Variants in SETBP1 observed in about 807,000 individuals in gnomAD.
The protein encoded by SETBP1 is SET binding protein 1, also known as SET-binding protein.
Under a neutral mutation model 101.0 loss-of-function variants are expected in SETBP1, and 9 were observed. The observed-to-expected ratio is 0.09, with a 90% CI of 0.05 to 0.16. The LOEUF (loss-of-function observed/expected upper bound fraction) is 0.16, where lower values mean the gene tolerates loss of function less well. SETBP1 is among the 10% of genes least tolerant of loss of function. The pLI is 1.00. For missense variants in SETBP1, 1,858 were observed against 2,033.8 expected (o/e 0.91, Z 1.66); for synonymous variants, 818 against 788.5 (o/e 1.04, Z -0.63).
intron 2 of SETBP1, among the ~76,000 whole-genome samples, chr18:44,761,599 T>C (rs891717317): frequency 6.6e-6 from 1 of 152,234 alleles, no homozygotes; most frequent in African/African-American, 2.4e-5. Flanking sequence ...CAGTTCCTTA[T>C]CAAGAGAATG....
At chr18:44,938,403 T>C (rs781727327) in intron 3 of SETBP1, among the ~76,000 whole-genome samples, 59 of 152,256 alleles carry the variant, frequency 3.9e-4, no homozygotes, top group Non-Finnish European at 6.6e-4. Context: ...ATCAATGATG[T>C]ACCTTTTTCA....
At chr18:44,831,610 C>T (rs1375753769) in intron 2 of SETBP1, among the ~76,000 whole-genome samples, 1 of 152,164 alleles carries the variant, frequency 6.6e-6, no homozygotes, top group Non-Finnish European at 1.5e-5. Context: ...GACTCAGAAT[C>T]CTCATTTATA....
chr18:44,915,113 G>A (rs534222544), intron 3 of SETBP1, among the ~76,000 whole-genome samples: 8 of 152,028 alleles, frequency 5.3e-5, no homozygotes, highest in South Asian at 4.1e-4. Flanking sequence ...TGCCTACTGC[G>A]TGCCCAACTT....
chr18:44,923,371 A>G (rs2070625194), intron 3 of SETBP1, among the ~76,000 whole-genome samples: 1 of 152,230 alleles, frequency 6.6e-6, no homozygotes, highest in Non-Finnish European at 1.5e-5. Flanking sequence ...ACTAATGAAC[A>G]AACTGAAGTC....
chr18:45,060,008 T>C (rs970468982), intron 5 of SETBP1, among the ~76,000 whole-genome samples: 1 of 152,260 alleles, frequency 6.6e-6, no homozygotes, highest in Non-Finnish European at 1.5e-5. Flanking sequence ...TTTAAAGTTA[T>C]GTAAGTAGTA....
intron 3 of SETBP1, among the ~76,000 whole-genome samples, chr18:44,937,530 G>A (rs1434251920): frequency 6.6e-6 from 1 of 151,928 alleles, no homozygotes; most frequent in Non-Finnish European, 1.5e-5. Context: ...AAGAGGTCAG[G>A]TGACGTGTCT....
chr18:44,721,148 C>G (rs1221642782), intron 2 of SETBP1, among the ~76,000 whole-genome samples: 1 of 152,134 alleles, frequency 6.6e-6, no homozygotes, highest in Non-Finnish European at 1.5e-5. Flanking sequence ...TTCTTGTGAC[C>G]TAGAGAAGTT....
At chr18:45,006,355 G>T (rs146748415) in intron 4 of SETBP1, among the ~76,000 whole-genome samples, 2 of 152,090 alleles carry the variant, frequency 1.3e-5, no homozygotes, top group African/African-American at 4.8e-5. Context: ...TTGTAGGTTC[G>T]TTCAGAGTCT....
At chr18:44,693,244 GA>G (rs1206466993) in intron 1 of SETBP1, among the ~76,000 whole-genome samples, 1 of 152,164 alleles carries the variant, frequency 6.6e-6, no homozygotes, top group Non-Finnish European at 1.5e-5. Flanking sequence ...TTCACCGAAT[GA>G]GTAATTTGGA....
At chr18:45,023,582 G>C (rs771798493) in intron 4 of SETBP1, among the ~76,000 whole-genome samples, 15 of 152,210 alleles carry the variant, frequency 9.9e-5, no homozygotes, top group Non-Finnish European at 2.1e-4. Flanking sequence ...ATATGTAGAT[G>C]ATGACAAAAC....
intron 2 of SETBP1, among the ~76,000 whole-genome samples, chr18:44,744,932 CCTT>C (rs752605393): frequency 2.0e-5 from 3 of 152,068 alleles, no homozygotes; most frequent in Non-Finnish European, 4.4e-5. Context: ...GATTTCGGGG[CCTT>C]TGTGTGGACG....
chr18:44,916,090 G>A (rs141549675), intron 3 of SETBP1, among the ~76,000 whole-genome samples: 213 of 152,244 alleles, frequency 1.4e-3, no homozygotes, highest in African/African-American at 4.7e-3. Flanking sequence ...GCCAGTCATG[G>A]TGGTACGCGC....
chr18:44,948,949 T>C (rs1339784225), intron 3 of SETBP1, among the ~76,000 whole-genome samples: 4 of 152,044 alleles, frequency 2.6e-5, no homozygotes, highest in Non-Finnish European at 4.4e-5. Context: ...GGAAACACAG[T>C]TGACAAAGTT....
At chr18:44,805,925 A>G in intron 2 of SETBP1, among the ~76,000 whole-genome samples, 1 of 152,150 alleles carries the variant, frequency 6.6e-6, no homozygotes, top group East Asian at 1.9e-4. Context: ...TCATTGTTCT[A>G]TGCTAAATTA....
chr18:45,002,930 C>G (rs540085530), intron 4 of SETBP1, among the ~76,000 whole-genome samples: 1 of 152,062 alleles, frequency 6.6e-6, no homozygotes, highest in Non-Finnish European at 1.5e-5. Context: ...TAGTTAAGAA[C>G]TTGGGTTGTT....
At chr18:44,764,330 CA>C (rs2070720572) in intron 2 of SETBP1, among the ~76,000 whole-genome samples, 1 of 152,236 alleles carries the variant, frequency 6.6e-6, no homozygotes, top group Non-Finnish European at 1.5e-5. Context: ...CTTATGTATC[CA>C]TTCGTTATCC....
intron 4 of SETBP1, among the ~76,000 whole-genome samples, chr18:44,995,474 G>T (rs2072474737): frequency 6.6e-6 from 1 of 151,580 alleles, no homozygotes; most frequent in Non-Finnish European, 1.5e-5. Flanking sequence ...TTTTAAATGT[G>T]AATATGCAGA....
At chr18:44,853,005 C>T (rs1363715932) in intron 2 of SETBP1, among the ~76,000 whole-genome samples, 1 of 152,206 alleles carries the variant, frequency 6.6e-6, no homozygotes, top group African/African-American at 2.4e-5. Context: ...CAAGAGTCCT[C>T]TGGGCTGGTG....
At chr18:44,796,961 C>A (rs1177343245) in intron 2 of SETBP1, among the ~76,000 whole-genome samples, 1 of 152,180 alleles carries the variant, frequency 6.6e-6, no homozygotes, top group African/African-American at 2.4e-5. Flanking sequence ...GGACTTCCGC[C>A]TACCTGAAGG....
Sources: gnomAD v4.1 joint callset for allele counts (sites outside exome capture counted in the v4.1 genomes callset) on GRCh38, gnomAD v4.1.1 for gene constraint, MANE v1.5 for transcripts, NCBI Gene and HGNC (gene_info 2026-07-23, HGNC 2026-07-21) for gene names.